The following TEAD1 variants were observed in gnomAD, a reference collection of about 807,000 sequenced individuals.
TEAD1 encodes the protein TEA domain transcription factor 1.
A neutral mutation model predicts 54.9 loss-of-function variants in TEAD1; 9 were observed. That is an observed-to-expected ratio of 0.16 (90% confidence interval 0.10 to 0.29). The LOEUF (loss-of-function observed/expected upper bound fraction) is 0.29. Among genes scored for constraint, TEAD1 ranks in the 10% least tolerant of loss-of-function variants. TEAD1 has a pLI of 1.00. For missense variants in TEAD1, 387 were observed against 535.9 expected, an observed-to-expected ratio of 0.72 and a Z score of 2.74; for synonymous variants, 200 against 187.8, an observed-to-expected ratio of 1.07 and a Z score of -0.53.
chr11:12,775,227 G>A (rs1319266519), intron 3 of TEAD1, among the ~76,000 whole-genome samples: 1 of 152,116 alleles, frequency 6.6e-6, no homozygotes, highest in Non-Finnish European at 1.5e-5. Context: ...AAAGAACAGG[G>A]GGACGGGGAG....
At chr11:12,790,872 G>A (rs10831908) in intron 3 of TEAD1, among the ~76,000 whole-genome samples, 50,539 of 152,138 alleles carry the variant, frequency 0.33, 9,237 homozygotes, top group South Asian at 0.61. Context: ...GTGTTGGTGA[G>A]GGGGGTGAAA....
At chr11:12,923,206 G>A (rs1035499974) in intron 10 of TEAD1, among the ~76,000 whole-genome samples, 3 of 152,056 alleles carry the variant, frequency 2.0e-5, no homozygotes, top group Non-Finnish European at 4.4e-5. Flanking sequence ...GTGTCCTTTG[G>A]TCTCAGGATA....
chr11:12,841,605 A>G (rs959158895), intron 3 of TEAD1, among the ~76,000 whole-genome samples: 1 of 152,084 alleles, frequency 6.6e-6, no homozygotes, highest in African/African-American at 2.4e-5. Context: ...TCTTTCAGCT[A>G]CTTGCATTTT....
intron 5 of TEAD1, among the ~76,000 whole-genome samples, chr11:12,875,809 C>T (rs1947843878): frequency 6.6e-6 from 1 of 152,202 alleles, no homozygotes. Context: ...ATCCTGCTGT[C>T]TTCTCACTAG....
At position 12,690,255 on chromosome 11, in the gene TEAD1, A is replaced by T. The variant is rs546259741; in HGVS notation, c.-55+14694A>T. ...AGACTCCGTCTCAAAAAAAAAAAAA[A>T]AAAAAAAATAATAAGCCCTTAATGT... On this transcript the variant is annotated intron_variant, in intron 2 of 12. Coordinates refer to ENST00000527636, the MANE Select transcript of TEAD1 (RefSeq NM_021961.6). 6.6e-3 allele frequency among the ~76,000 whole-genome samples: 1,006 copies of T among 151,918 alleles called. 8 individuals are homozygous for T. Among genetic ancestry groups the T allele is most frequent in the African/African-American group, 0.023 (952 of 41,388 alleles).
At chr11:12,871,775 C>G (rs1029613623) in intron 5 of TEAD1, among the ~76,000 whole-genome samples, 3 of 151,720 alleles carry the variant, frequency 2.0e-5, no homozygotes, top group Non-Finnish European at 4.4e-5. Flanking sequence ...GTGTATGACT[C>G]GGGACAAAAC....
At chr11:12,700,748 A>G (rs990073139) in intron 2 of TEAD1, among the ~76,000 whole-genome samples, 2 of 152,160 alleles carry the variant, frequency 1.3e-5, no homozygotes, top group African/African-American at 2.4e-5. Flanking sequence ...AATTTATTTC[A>G]GTTTTATATT....
intron 3 of TEAD1, among the ~76,000 whole-genome samples, chr11:12,791,815 A>C (rs1945808076): frequency 6.6e-6 from 1 of 152,222 alleles, no homozygotes. Context: ...AGGTGGCCAT[A>C]GGAAGGCCAT....
chr11:12,922,115 T>A (rs1948817325), intron 10 of TEAD1, among the ~76,000 whole-genome samples: 1 of 152,164 alleles, frequency 6.6e-6, no homozygotes, highest in Admixed American at 6.5e-5. Context: ...AAGTTAATTA[T>A]TGTAGTTGAA....
intron 9 of TEAD1, among the ~76,000 whole-genome samples, chr11:12,884,977 A>G (rs992538318): frequency 3.9e-5 from 6 of 152,198 alleles, no homozygotes; most frequent in Non-Finnish European, 8.8e-5. Flanking sequence ...TGGTGTTTCC[A>G]TGACACTTTG....
intron 3 of TEAD1, among the ~76,000 whole-genome samples, chr11:12,776,102 A>G (rs1318983405): frequency 6.6e-6 from 1 of 152,098 alleles, no homozygotes; most frequent in Non-Finnish European, 1.5e-5. Context: ...AGGTGGTCAG[A>G]GAGTGGCAGT....
At chr11:12,789,277 G>C (rs1945747278) in intron 3 of TEAD1, among the ~76,000 whole-genome samples, 1 of 152,192 alleles carries the variant, frequency 6.6e-6, no homozygotes, top group African/African-American at 2.4e-5. Context: ...AACTTGAATT[G>C]GTTCCTGAGA....
At chr11:12,907,743 A>G (rs1223139421) in intron 10 of TEAD1, among the ~76,000 whole-genome samples, 1 of 152,192 alleles carries the variant, frequency 6.6e-6, no homozygotes, top group Non-Finnish European at 1.5e-5. Flanking sequence ...GTCCCACTTC[A>G]CACATGAAGA....
intron 3 of TEAD1, among the ~76,000 whole-genome samples, chr11:12,802,820 T>C (rs1946089222): frequency 6.6e-6 from 1 of 152,246 alleles, no homozygotes; most frequent in Admixed American, 6.5e-5. Flanking sequence ...GTTCTCCTGG[T>C]TGAAAGCAGT....
At chr11:12,754,607 T>C (rs1243039566) in intron 2 of TEAD1, among the ~76,000 whole-genome samples, 3 of 152,192 alleles carry the variant, frequency 2.0e-5, no homozygotes, top group East Asian at 3.9e-4. Context: ...AAGAGTTTTT[T>C]CCTTTTGGGC....
At chr11:12,702,476 T>C (rs1943724282) in intron 2 of TEAD1, among the ~76,000 whole-genome samples, 1 of 152,124 alleles carries the variant, frequency 6.6e-6, no homozygotes, top group African/African-American at 2.4e-5. Flanking sequence ...CTCAGGACAA[T>C]GCCGAGAGTA....
At chr11:12,881,305 G>C (rs1282538816) in intron 7 of TEAD1, among the ~76,000 whole-genome samples, 1 of 152,138 alleles carries the variant, frequency 6.6e-6, no homozygotes, top group Non-Finnish European at 1.5e-5. Context: ...GAAGCAAGAA[G>C]TGGACCCCTC....
chr11:12,681,432 G>T (rs1943219261), intron 2 of TEAD1, among the ~76,000 whole-genome samples: 1 of 152,194 alleles, frequency 6.6e-6, no homozygotes, highest in Non-Finnish European at 1.5e-5. Flanking sequence ...TTTGAAATCA[G>T]GGAATGTGCC....
chr11:12,679,512 A>G (rs1943171382), intron 2 of TEAD1, among the ~76,000 whole-genome samples: 1 of 152,244 alleles, frequency 6.6e-6, no homozygotes, highest in African/African-American at 2.4e-5. Flanking sequence ...GACTGGGAAT[A>G]TACAACACTG....
Sources: gnomAD v4.1 joint callset for allele counts (sites outside exome capture counted in the v4.1 genomes callset) on GRCh38, gnomAD v4.1.1 for gene constraint, MANE v1.5 for transcripts, NCBI Gene and HGNC (gene_info 2026-07-23, HGNC 2026-07-21) for gene names.